OSBPL1A: variants seen among roughly 807,000 people sequenced by gnomAD.
The protein encoded by OSBPL1A is oxysterol binding protein like 1A, also known as oxysterol-binding protein-related protein 1.
A neutral mutation model predicts 137.1 loss-of-function variants in OSBPL1A; 80 were observed. The observed-to-expected ratio is 0.58, with a 90% CI of 0.49 to 0.70. The LOEUF (loss-of-function observed/expected upper bound fraction) is 0.70, where lower values mean the gene tolerates loss of function less well. Ranked by LOEUF, OSBPL1A falls within the 30% of genes least tolerant of loss-of-function variation. The pLI, the probability that OSBPL1A is intolerant of heterozygous loss-of-function variation, is 0.00. For missense variants in OSBPL1A, 970 were observed against 1,129.4 expected, an observed-to-expected ratio of 0.86 and a Z score of 2.02; for synonymous variants, 365 against 389.7, an observed-to-expected ratio of 0.94 and a Z score of 0.75.
At chr18:24,263,658 C>T (rs1189015680) in intron 15 of OSBPL1A, among the ~76,000 whole-genome samples, 2 of 152,000 alleles carry the variant, frequency 1.3e-5, no homozygotes, top group Non-Finnish European at 1.5e-5. Context: ...TTTTTTGAAA[C>T]GGAGTTGCAC....
At chr18:24,175,104 G>GTGTGTATATATATATATATATATATA (rs1491534405) in intron 21 of OSBPL1A, among the ~76,000 whole-genome samples, 1 of 42,720 alleles carries the variant, frequency 2.3e-5, no homozygotes, top group African/African-American at 7.6e-5. Flanking sequence ...TTTGCCATGT[G>GTGTGTATATATATATATATATATATA]TATGTATATA....
chr18:24,309,953 G>A (rs949567101), intron 13 of OSBPL1A, among the ~76,000 whole-genome samples: 1 of 150,080 alleles, frequency 6.7e-6, no homozygotes, highest in African/African-American at 2.5e-5. Flanking sequence ...AGGCTGAGGC[G>A]AGAAGATCGC....
chr18:24,182,697 G>GAT (rs1293227882), intron 18 of OSBPL1A, among the ~76,000 whole-genome samples: 1 of 152,080 alleles, frequency 6.6e-6, no homozygotes, highest in African/African-American at 2.4e-5. Flanking sequence ...ATTTACTGCT[G>GAT]CATCACTGGG....
chr18:24,164,490 G>GCAAT (rs200464101), intron 27 of OSBPL1A, among the ~76,000 whole-genome samples: 24,510 of 141,198 alleles, frequency 0.17, 2,317 homozygotes, highest in East Asian at 0.2. Context: ...GTGCAGTGGC[G>GCAAT]CAATCTCAGC....
At chr18:24,359,258 T>C (rs192033945) in intron 4 of OSBPL1A, among the ~76,000 whole-genome samples, 2 of 149,772 alleles carry the variant, frequency 1.3e-5, no homozygotes, top group Admixed American at 6.6e-5. Flanking sequence ...GAGAGAGATA[T>C]GGTGGGGGGC....
At chr18:24,175,102 G>GTATATATATATA (rs2086390578) in intron 21 of OSBPL1A, among the ~76,000 whole-genome samples, 1 of 83,638 alleles carries the variant, frequency 1.2e-5, no homozygotes, top group African/African-American at 7.4e-5. Flanking sequence ...TATTTGCCAT[G>GTATATATATATA]TGTATGTATA....
intron 6 of OSBPL1A, among the ~76,000 whole-genome samples, chr18:24,333,297 G>A (rs1015707028): frequency 6.6e-6 from 1 of 152,002 alleles, no homozygotes; most frequent in African/African-American, 2.4e-5. Flanking sequence ...GCCTGTGTCC[G>A]GGTCTCACAC....
chr18:24,375,584 A>T (rs1906047115), intron 2 of OSBPL1A, among the ~76,000 whole-genome samples: 1 of 152,024 alleles, frequency 6.6e-6, no homozygotes, highest in Non-Finnish European at 1.5e-5. Context: ...CTACTCTTTC[A>T]CATTTCATCT....
chr18:24,267,085 G>C (rs2089597342), intron 15 of OSBPL1A, among the ~76,000 whole-genome samples: 1 of 150,556 alleles, frequency 6.6e-6, no homozygotes, highest in African/African-American at 2.4e-5. Context: ...AGATATCCAA[G>C]TCAGTATTAG....
At chr18:24,343,338 A>C (rs1210601746) in intron 4 of OSBPL1A, among the ~76,000 whole-genome samples, 1 of 152,198 alleles carries the variant, frequency 6.6e-6, no homozygotes, top group Admixed American at 6.5e-5. Flanking sequence ...GACATAAATA[A>C]ATGGGAAAAC....
intron 15 of OSBPL1A, among the ~76,000 whole-genome samples, chr18:24,260,502 C>T (rs993860789): frequency 4.6e-5 from 7 of 152,300 alleles, no homozygotes; most frequent in Admixed American, 2.0e-4. Context: ...TGCTACAATG[C>T]GCATGAACCT....
intron 14 of OSBPL1A, among the ~76,000 whole-genome samples, chr18:24,287,751 A>G (rs1012642072): frequency 1.5e-5 from 2 of 135,678 alleles, no homozygotes; most frequent in Non-Finnish European, 3.3e-5. Context: ...CAGCCTGGGC[A>G]ACAGAGAGAG....
At chr18:24,389,864 C>T (rs1375267158) in intron 1 of OSBPL1A, among the ~76,000 whole-genome samples, 3 of 152,066 alleles carry the variant, frequency 2.0e-5, no homozygotes, top group South Asian at 4.2e-4. Flanking sequence ...ATCACTTGAA[C>T]CCAGGAGGCA....
At chr18:24,305,741 G>T (rs1050006229) in intron 13 of OSBPL1A, among the ~76,000 whole-genome samples, 6 of 152,088 alleles carry the variant, frequency 3.9e-5, no homozygotes, top group African/African-American at 9.7e-5. Flanking sequence ...TTTGTGGGAG[G>T]AACCCGGTGG....
intron 17 of OSBPL1A, among the ~76,000 whole-genome samples, chr18:24,209,684 G>C (rs1723959737): frequency 6.6e-6 from 1 of 152,154 alleles, no homozygotes; most frequent in South Asian, 2.1e-4. Flanking sequence ...CAAACTAACA[G>C]AGCATTCACC....
chr18:24,368,705 G>A (rs1371833580), intron 2 of OSBPL1A: 1 of 211,850 alleles, frequency 4.7e-6, no homozygotes. Context: ...AGGTCAAGAG[G>A]GGTTTTATTG....
At chr18:24,258,065 C>A (rs1395350951) in intron 15 of OSBPL1A, among the ~76,000 whole-genome samples, 1 of 152,076 alleles carries the variant, frequency 6.6e-6, no homozygotes, top group Non-Finnish European at 1.5e-5. Context: ...GGAGGTTTCT[C>A]AAAAAACTAA....
At chr18:24,167,614 C>T (rs1216829898) in intron 24 of OSBPL1A, among the ~76,000 whole-genome samples, 169 bp from the exon 25 acceptor site, 1 of 152,140 alleles carries the variant, frequency 6.6e-6, no homozygotes, top group Non-Finnish European at 1.5e-5. Context: ...GATATTGGCA[C>T]TGTGGATCAA....
intron 21 of OSBPL1A, among the ~76,000 whole-genome samples, chr18:24,174,999 G>C (rs759449093): frequency 6.9e-6 from 1 of 145,900 alleles, no homozygotes; most frequent in Non-Finnish European, 1.5e-5. Flanking sequence ...GGCTGGTCTT[G>C]AACTCTTGGC....
Sources: gnomAD v4.1 joint callset for allele counts (sites outside exome capture counted in the v4.1 genomes callset) on GRCh38, gnomAD v4.1.1 for gene constraint, MANE v1.5 for transcripts, NCBI Gene and HGNC (gene_info 2026-07-23, HGNC 2026-07-21) for gene names.